The following PIEZO2 variants were observed in gnomAD, a reference collection of about 807,000 sequenced individuals.
PIEZO2 encodes the protein piezo type mechanosensitive ion channel component 2.
Under a neutral mutation model 337.3 loss-of-function variants are expected in PIEZO2, and 172 were observed. The observed-to-expected ratio is 0.51, with a 90% confidence interval of 0.45 to 0.58. The LOEUF is 0.58. Ranked by LOEUF, PIEZO2 falls within the 20% of genes least tolerant of loss-of-function variation. The pLI is 0.00. For synonymous variants in PIEZO2, 1,251 were observed against 1,228.5 expected (o/e 1.02, Z -0.38); for missense variants, 3,028 against 3,391.3 (o/e 0.89, Z 2.66).
chr18:10,703,560 T>A lies in PIEZO2; in HGVS notation c.6258+834A>T, dbSNP rs1193577222. 2.0e-5 allele frequency among the ~76,000 whole-genome samples: 3 copies of A among 149,898 alleles called. No homozygotes were observed. In the East Asian group the frequency reaches 5.8e-4, roughly 29 times the overall value. On this transcript the variant is annotated intron_variant, in intron 42 of 55. Transcript: ENST00000674853. ...AGCATGAGCACTGTCATTTAAGAAG[T>A]AATTACAGCACTGTTGAAAGTGACA...
At chr18:10,964,766 T>C (rs2033931532) in intron 3 of PIEZO2, among the ~76,000 whole-genome samples, 1 of 152,224 alleles carries the variant, frequency 6.6e-6, no homozygotes, top group East Asian at 1.9e-4. Flanking sequence ...CATTCTACCC[T>C]ACCCAGAGCC....
In PIEZO2 at chr18:10,815,885, C is replaced by A. The variant is rs1445885559; in HGVS notation, c.918-8611G>T. On this transcript the variant is annotated intron_variant, in intron 7 of 55. Coordinates refer to ENST00000674853, the MANE Select transcript of PIEZO2 (RefSeq NM_001378183.1). This position sits in a 1 kb window ranked among gnomAD's most constrained non-coding sequence, Gnocchi z 4.1. ...GGAGGCCTAGGTGATGCTTGGTCCTCTCTTACAGTTCAGTTATTCGCTCCT... is the reference window on the plus strand; with the variant it reads ...GGAGGCCTAGGTGATGCTTGGTCCTATCTTACAGTTCAGTTATTCGCTCCT... Among the ~76,000 whole-genome samples the A allele has an allele frequency of 6.6e-6, 1 of 152,220 alleles. No individual in the cohort carries two copies. Among genetic ancestry groups the A allele is most frequent in the South Asian group, 2.1e-4 (1 of 4,828 alleles).
At chr18:10,717,815 C>T (rs1319261446) in intron 37 of PIEZO2, among the ~76,000 whole-genome samples, 2 of 152,162 alleles carry the variant, frequency 1.3e-5, no homozygotes, top group African/African-American at 2.4e-5. Context: ...TTTGCCAGTC[C>T]TACTTCTCTC....
chr18:11,076,769 A>G (rs1196152008), intron 1 of PIEZO2, among the ~76,000 whole-genome samples: 1 of 152,218 alleles, frequency 6.6e-6, no homozygotes, highest in Admixed American at 6.5e-5. Context: ...ATGTCATATC[A>G]AATATTAATA....
rs915708755 is a variant in PIEZO2 at position 10,878,881 on chromosome 18, C to T, written c.330-7466G>A. ...ATGAAGGCCACAGGAGAAACAGTGA[C>T]GTGGCTGCTGGTAGTGCAGGTGGTG... On this transcript the variant is annotated intron_variant, in intron 4 of 55. Transcript: ENST00000674853. The surrounding 1 kb of genome is among the most constrained non-coding windows in gnomAD (Gnocchi z 4.3). Among the ~76,000 whole-genome samples, 1 of 151,858 alleles carries T rather than the reference C, an allele frequency of 6.6e-6. No homozygotes were observed. Among genetic ancestry groups the T allele is most frequent in the African/African-American group, 2.4e-5 (1 of 41,322 alleles).
At chr18:10,822,151 T>C (rs1613110) in intron 7 of PIEZO2, among the ~76,000 whole-genome samples, 26,823 of 152,216 alleles carry the variant, frequency 0.18, 2,395 homozygotes, top group Middle Eastern at 0.24. Context: ...AAATTTTAAA[T>C]GCTTTCTCTC....
At chr18:10,920,548 TTCA>T (rs2031325457) in intron 3 of PIEZO2, among the ~76,000 whole-genome samples, 1 of 152,142 alleles carries the variant, frequency 6.6e-6, no homozygotes, top group Non-Finnish European at 1.5e-5. Flanking sequence ...ACACACAGCC[TTCA>T]TGCAATTTTG....
chr18:11,144,896 C>T (rs763811349), intron 1 of PIEZO2, among the ~76,000 whole-genome samples: 4 of 152,134 alleles, frequency 2.6e-5, no homozygotes, highest in Non-Finnish European at 5.9e-5. Context: ...CCAGGCAACA[C>T]TGGGCAAGAT....
intron 13 of PIEZO2, among the ~76,000 whole-genome samples, chr18:10,793,644 GTGGGTC>G (rs1464239498): frequency 6.6e-6 from 1 of 152,210 alleles, no homozygotes; most frequent in Non-Finnish European, 1.5e-5. Context: ...ATATGTGTGT[GTGGGTC>G]TGTGTTTAAG....
chr18:10,861,038 A>G lies in PIEZO2; in HGVS notation c.493-3827T>C, dbSNP rs758799499. On this transcript the variant is annotated intron_variant, in intron 5 of 55. Coordinates refer to ENST00000674853, the MANE Select transcript of PIEZO2 (RefSeq NM_001378183.1). This position sits in a 1 kb window ranked among gnomAD's most constrained non-coding sequence, Gnocchi z 4.3. ...CTGGTAGGTCAGGGCCAGAACTGCCATTAGTCACGTCAGGCTGGCTTATTA... is the reference window on the plus strand; with the variant it reads ...CTGGTAGGTCAGGGCCAGAACTGCCGTTAGTCACGTCAGGCTGGCTTATTA... 9.9e-5 allele frequency among the ~76,000 whole-genome samples: 15 copies of G among 152,238 alleles called. No homozygotes were observed. The highest frequency in any genetic ancestry group is 2.7e-4 in the African/African-American group (11 of 41,452).
chr18:10,732,553 A>C (rs73387088), intron 35 of PIEZO2, among the ~76,000 whole-genome samples: 2,308 of 152,358 alleles, frequency 0.015, 54 homozygotes, highest in African/African-American at 0.044. Flanking sequence ...TTACTATAAT[A>C]GAAAAACTGT....
Position 10,850,701 on chromosome 18 carries a change from A to G in PIEZO2, c.917+4652T>C, listed in dbSNP as rs982002238. Among the ~76,000 whole-genome samples, 4 of 152,252 alleles carry G rather than the reference A, an allele frequency of 2.6e-5. No homozygotes were observed. The highest frequency in any genetic ancestry group is 9.6e-5 in the African/African-American group (4 of 41,466). On this transcript the variant is annotated intron_variant, in intron 7 of 55. Transcript: ENST00000674853. This position sits in a 1 kb window ranked among gnomAD's most constrained non-coding sequence, Gnocchi z 4.5. ...ACAGTTTGCATAAATACAGCAAATT[A>G]TAAAATAGTATGTGCAATATGATTC...
chr18:10,912,520 G>A (rs188806171), intron 3 of PIEZO2, among the ~76,000 whole-genome samples: 104 of 152,252 alleles, frequency 6.8e-4, no homozygotes, highest in Admixed American at 1.1e-3. Flanking sequence ...AATAGGAAAC[G>A]GTGGGTTCAG....
chr18:10,911,066 G>A, intron 4 of PIEZO2, 120 bp downstream of exon 4: 3 of 722,198 alleles, frequency 4.2e-6, no homozygotes, highest in Non-Finnish European at 6.4e-6. Flanking sequence ...CTTGATCAAG[G>A]TCATACAGTT....
intron 1 of PIEZO2, among the ~76,000 whole-genome samples, chr18:11,139,038 C>G (rs1470645009): frequency 6.6e-6 from 1 of 152,232 alleles, no homozygotes; most frequent in African/African-American, 2.4e-5. Flanking sequence ...ATGTTTTACT[C>G]ATAATCGTGC....
At chr18:11,134,265 T>C (rs1400471697) in intron 1 of PIEZO2, among the ~76,000 whole-genome samples, 1 of 152,224 alleles carries the variant, frequency 6.6e-6, no homozygotes, top group Non-Finnish European at 1.5e-5. Context: ...CTGCTACACC[T>C]GCAAATGTGT....
At chr18:10,997,108 T>C (rs2035351508) in intron 2 of PIEZO2, among the ~76,000 whole-genome samples, 2 of 152,020 alleles carry the variant, frequency 1.3e-5, no homozygotes, top group Admixed American at 6.6e-5. Context: ...ACTCCCAAAC[T>C]GATAATTGAA....
At chr18:10,944,805 G>T (rs75395771) in intron 3 of PIEZO2, among the ~76,000 whole-genome samples, 110 of 151,904 alleles carry the variant, frequency 7.2e-4, no homozygotes, top group African/African-American at 2.6e-3. Context: ...ACAAATAAAA[G>T]CATATCAAAG....
At chr18:10,977,473 A>G (rs569662137) in intron 3 of PIEZO2, among the ~76,000 whole-genome samples, 1 of 152,270 alleles carries the variant, frequency 6.6e-6, no homozygotes, top group Non-Finnish European at 1.5e-5. Context: ...TACCTTATTA[A>G]GAAATATCCA....
Sources: gnomAD v4.1 joint callset for allele counts (sites outside exome capture counted in the v4.1 genomes callset) on GRCh38, gnomAD v4.1.1 for gene constraint, Gnocchi (gnomAD v3.1) non-coding constraint, MANE v1.5 for transcripts, NCBI Gene and HGNC (gene_info 2026-07-23, HGNC 2026-07-21) for gene names.